Variants in CDH13 observed in about 807,000 individuals in gnomAD.
The protein encoded by CDH13 is cadherin 13, also known as cadherin-13.
CDH13 carries 24 observed loss-of-function variants against 63.8 expected under a neutral mutation model. The observed-to-expected ratio is 0.38, with a 90% confidence interval of 0.27 to 0.53. CDH13 has a LOEUF of 0.53. CDH13 is among the 20% of genes least tolerant of loss of function. CDH13 has a pLI of 0.85. For missense variants in CDH13, 1,049 were observed against 903.1 expected, an observed-to-expected ratio of 1.16 and a Z score of -2.07; for synonymous variants, 503 against 355.3, an observed-to-expected ratio of 1.42 and a Z score of -4.67.
intron 7 of CDH13, among the ~76,000 whole-genome samples, chr16:83,567,111 C>G (rs948396868): frequency 6.6e-6 from 1 of 152,208 alleles, no homozygotes; most frequent in African/African-American, 2.4e-5. Flanking sequence ...TTATTCAAAA[C>G]TCAGATTCAG....
intron 1 of CDH13, among the ~76,000 whole-genome samples, chr16:82,814,244 G>T (rs1309302805): frequency 2.0e-5 from 3 of 152,150 alleles, no homozygotes; most frequent in African/African-American, 7.2e-5. Context: ...CTGACACAGA[G>T]CTCCGAAATC....
At chr16:83,782,774 G>T (rs966671277) in intron 12 of CDH13, among the ~76,000 whole-genome samples, 1 of 151,836 alleles carries the variant, frequency 6.6e-6, no homozygotes, top group African/African-American at 2.4e-5. Flanking sequence ...AAAAATGTAG[G>T]CTATAGAACC....
chr16:82,881,819 A>G (rs1004166790), intron 2 of CDH13, among the ~76,000 whole-genome samples: 3 of 152,052 alleles, frequency 2.0e-5, no homozygotes, highest in Non-Finnish European at 2.9e-5. Context: ...ATACGATAGC[A>G]TGTCACCTGG....
chr16:82,994,123 G>A (rs921153983), intron 2 of CDH13, among the ~76,000 whole-genome samples: 2 of 152,146 alleles, frequency 1.3e-5, no homozygotes, highest in Non-Finnish European at 2.9e-5. Flanking sequence ...GGAGGGAAGG[G>A]ATGTTCTATT....
chr16:83,443,767 G>A (rs2072571361), intron 6 of CDH13, among the ~76,000 whole-genome samples: 1 of 140,090 alleles, frequency 7.1e-6, no homozygotes, highest in Admixed American at 7.1e-5. Flanking sequence ...TATATATGGA[G>A]AGAAAGAGAG....
chr16:83,630,638 A>T (rs1407764799), intron 8 of CDH13, among the ~76,000 whole-genome samples: 2 of 152,198 alleles, frequency 1.3e-5, no homozygotes, highest in Non-Finnish European at 2.9e-5. Context: ...TGAGGAAGCA[A>T]TTAGATATGC....
intron 7 of CDH13, among the ~76,000 whole-genome samples, chr16:83,589,263 T>TA (rs762496927): frequency 4.4e-4 from 45 of 102,200 alleles, no homozygotes; most frequent in South Asian, 9.2e-4. Flanking sequence ...TCTTTCCCCT[T>TA]ATTCTTTCTC....
intron 7 of CDH13, among the ~76,000 whole-genome samples, chr16:83,560,330 A>G (rs1216859490): frequency 6.6e-6 from 1 of 152,250 alleles, no homozygotes; most frequent in Non-Finnish European, 1.5e-5. Flanking sequence ...GCAATGGAAC[A>G]CTACTCAGCC....
At chr16:83,673,071 A>C (rs1175609220) in intron 9 of CDH13, among the ~76,000 whole-genome samples, 5 of 152,200 alleles carry the variant, frequency 3.3e-5, no homozygotes, top group Non-Finnish European at 7.3e-5. Flanking sequence ...ACAGTACTAT[A>C]ATTGCTTATT....
intron 2 of CDH13, among the ~76,000 whole-genome samples, chr16:82,913,041 A>G (rs369378911): frequency 6.6e-6 from 1 of 151,974 alleles, no homozygotes; most frequent in South Asian, 2.1e-4. Context: ...TTCAAAATCC[A>G]TGAGATTGGG....
intron 1 of CDH13, among the ~76,000 whole-genome samples, chr16:82,794,134 TTTC>T (rs1274799293): frequency 1.3e-5 from 2 of 152,042 alleles, no homozygotes; most frequent in Non-Finnish European, 2.9e-5. Flanking sequence ...GTTCGTAAAG[TTTC>T]TTAAAAGGTT....
chr16:83,554,386 G>C (rs1208088101), intron 7 of CDH13, among the ~76,000 whole-genome samples: 1 of 152,100 alleles, frequency 6.6e-6, no homozygotes, highest in African/African-American at 2.4e-5. Context: ...GCATAGAAAG[G>C]AGCATATAAT....
intron 1 of CDH13, among the ~76,000 whole-genome samples, chr16:82,809,568 A>C (rs1486677289): frequency 6.6e-6 from 1 of 152,112 alleles, no homozygotes; most frequent in African/African-American, 2.4e-5. Flanking sequence ...CTGAGTTTAC[A>C]GCCATTATAT....
At chr16:83,476,351 T>TA (rs1289502168) in intron 6 of CDH13, among the ~76,000 whole-genome samples, 2 of 152,130 alleles carry the variant, frequency 1.3e-5, no homozygotes, top group African/African-American at 4.8e-5. Flanking sequence ...ACCACTGCTG[T>TA]AAAAAGGACT....
chr16:83,345,728 G>C (rs2090825639), intron 6 of CDH13, among the ~76,000 whole-genome samples: 10 of 152,054 alleles, frequency 6.6e-5, no homozygotes, highest in Admixed American at 6.5e-4. Context: ...TTGAGAAAAT[G>C]AAAGAATAAA....
chr16:83,372,038 G>A (rs987946418), intron 6 of CDH13, among the ~76,000 whole-genome samples: 3 of 152,274 alleles, frequency 2.0e-5, no homozygotes, highest in East Asian at 1.9e-4. Context: ...GGGTGTTCAC[G>A]AGATGCTTCC....
chr16:83,570,572 C>G (rs1453823456), intron 7 of CDH13, among the ~76,000 whole-genome samples: 2 of 151,816 alleles, frequency 1.3e-5, no homozygotes, highest in Non-Finnish European at 2.9e-5. Context: ...TGGGAAGGAA[C>G]TAGCACAGTG....
In CDH13 at chr16:83,799,698, T is replaced by C. The variant is rs753182858; in HGVS notation, c.*4668T>C. 1.3e-5 allele frequency: 2 copies of C among 152,266 alleles called. No homozygotes were observed. Among genetic ancestry groups the C allele is most frequent in the Non-Finnish European group, 2.9e-5 (2 of 68,050 alleles). 9.4% of individuals were successfully genotyped at this position (152,266 alleles called of 1,614,324 possible). On this transcript the variant is annotated 3_prime_UTR_variant, in exon 14 of 14. Transcript: ENST00000567109. ...TCCTTAACTGACTGTTGAGATTTGA[T>C]AATTTTCACAGTCTAATGATAAAAT...
At chr16:83,045,466 A>C (rs994677853) in intron 3 of CDH13, among the ~76,000 whole-genome samples, 12 of 151,810 alleles carry the variant, frequency 7.9e-5, no homozygotes, top group Non-Finnish European at 1.3e-4. Context: ...GTGAAACCCT[A>C]TCTCTACTAA....
Sources: gnomAD v4.1 joint callset for allele counts (sites outside exome capture counted in the v4.1 genomes callset) on GRCh38, gnomAD v4.1.1 for gene constraint, MANE v1.5 for transcripts, NCBI Gene and HGNC (gene_info 2026-07-23, HGNC 2026-07-21) for gene names.